TUSC3: variants seen among roughly 807,000 people sequenced by gnomAD.
TUSC3 encodes the protein tumor suppressor candidate 3, also known as dolichyl-diphosphooligosaccharide--protein glycosyltransferase subunit TUSC3.
A neutral mutation model predicts 44.8 loss-of-function variants in TUSC3; 45 were observed. That is an observed-to-expected ratio of 1.00 (90% CI 0.79 to 1.29). The LOEUF is 1.29. Among genes scored for constraint, TUSC3 ranks in the 50% most tolerant of loss-of-function variants. The pLI, the probability that TUSC3 is intolerant of heterozygous loss-of-function variation, is 0.00. For synonymous variants in TUSC3, 212 were observed against 152.9 expected (o/e 1.39, Z -2.85); for missense variants, 519 against 437.9 (o/e 1.19, Z -1.65).
intron 1 of TUSC3, among the ~76,000 whole-genome samples, chr8:15,481,456 G>C (rs186828610): frequency 3.3e-4 from 50 of 152,074 alleles, no homozygotes; most frequent in African/African-American, 1.2e-3. Context: ...GTCACAAGAA[G>C]GCCCTCACCA....
chr8:15,827,759 T>C, the TUSC3 span, among the ~76,000 whole-genome samples: 1 of 152,156 alleles, frequency 6.6e-6, no homozygotes, highest in African/African-American at 2.4e-5. Flanking sequence ...TGAGTCTCAC[T>C]GATAACTGAT....
chr8:15,840,645 C>G, the TUSC3 span, among the ~76,000 whole-genome samples: 1 of 152,022 alleles, frequency 6.6e-6, no homozygotes, highest in Non-Finnish European at 1.5e-5. Flanking sequence ...GTTTTATAAT[C>G]TGGTATGAAA....
intron 6 of TUSC3, among the ~76,000 whole-genome samples, chr8:15,722,171 A>G (rs552923932): frequency 2.0e-5 from 3 of 151,504 alleles, no homozygotes; most frequent in Middle Eastern, 3.5e-3. Context: ...CTGACTTTCT[A>G]CGGAGGGGCA....
intron 1 of TUSC3, among the ~76,000 whole-genome samples, chr8:15,453,430 C>G (rs1013037799): frequency 2.0e-5 from 3 of 152,168 alleles, no homozygotes; most frequent in African/African-American, 7.2e-5. Flanking sequence ...AGCCCCTTTT[C>G]TTGTCAGCAT....
intron 2 of TUSC3, among the ~76,000 whole-genome samples, chr8:15,516,788 TCAAA>T (rs1801221500): frequency 6.6e-6 from 1 of 152,138 alleles, no homozygotes; most frequent in Non-Finnish European, 1.5e-5. Flanking sequence ...TAATAGATAT[TCAAA>T]CAAAATATAA....
intron 1 of TUSC3, among the ~76,000 whole-genome samples, chr8:15,608,571 T>C (rs1385742276): frequency 6.6e-6 from 1 of 152,162 alleles, no homozygotes; most frequent in East Asian, 1.9e-4. Flanking sequence ...GTAATTCCCA[T>C]GTGTCACGGG....
chr8:15,657,668 C>CT (rs1807233462), intron 3 of TUSC3, among the ~76,000 whole-genome samples: 1 of 152,150 alleles, frequency 6.6e-6, no homozygotes, highest in Admixed American at 6.5e-5. Context: ...GCAATCTAGG[C>CT]TTTTTCTAGT....
At position 15,673,120 on chromosome 8, in the gene TUSC3, A is replaced by G. The variant is rs1036447666; in HGVS notation, c.709-627A>G. 7.9e-5 allele frequency among the ~76,000 whole-genome samples: 12 copies of G among 152,218 alleles called. No homozygotes were observed. The East Asian group carries it at 2.3e-3, about 29-fold the overall frequency. On this transcript the variant is annotated intron_variant, in intron 5 of 10. Coordinates refer to ENST00000503731, the MANE Select transcript of TUSC3 (RefSeq NM_006765.4). The stretch of plus-strand genomic sequence containing the variant: ...ATTCTCTCCCCACCCTCTCTGCAAT[A>G]CCTTGGATCTTCAATATTAGTTTTC...
intron 1 of TUSC3, among the ~76,000 whole-genome samples, chr8:15,542,769 T>C (rs1016395683): frequency 3.3e-5 from 5 of 152,224 alleles, no homozygotes; most frequent in African/African-American, 2.4e-5. Flanking sequence ...ATTAAAAAAG[T>C]TTTTCTTGCA....
intron 6 of TUSC3, among the ~76,000 whole-genome samples, chr8:15,701,908 T>C (rs1809423385): frequency 6.6e-6 from 1 of 152,194 alleles, no homozygotes; most frequent in Admixed American, 6.5e-5. Context: ...GGTTATTTTT[T>C]TGGTTTACAG....
chr8:15,623,312 G>T, intron 2 of TUSC3, 63 bp downstream of exon 2: 1 of 1,428,416 alleles, frequency 7.0e-7, no homozygotes. Context: ...ATATTTTTAT[G>T]TTCATTTTAA....
At chr8:15,678,290 G>T (rs1319002499) in intron 6 of TUSC3, among the ~76,000 whole-genome samples, 2 of 152,310 alleles carry the variant, frequency 1.3e-5, no homozygotes, top group South Asian at 2.1e-4. Context: ...AAATGCAGGT[G>T]CTGGTGGTGG....
chr8:15,460,996 G>A lies in TUSC3; in HGVS notation n.92-22390G>A, dbSNP rs534184614. ...AGATTTATTCTTTTTGCTTAGTTTT[G>A]CTTTGGCTGTGCAGGATCTTTTTAA... On this transcript the variant is annotated intron_variant and non_coding_transcript_variant, in intron 1 of 5. Coordinates refer to the TUSC3 transcript ENST00000503191. 1.1e-3 allele frequency among the ~76,000 whole-genome samples: 167 copies of A among 152,232 alleles called. 1 individual carries two copies. Among genetic ancestry groups the A allele is most frequent in the African/African-American group, 3.9e-3 (163 of 41,538 alleles).
At chr8:15,843,087 C>T in the TUSC3 span, among the ~76,000 whole-genome samples, 1 of 152,206 alleles carries the variant, frequency 6.6e-6, no homozygotes, top group East Asian at 1.9e-4. Context: ...GGAAATAACA[C>T]ATTCACTGCA....
chr8:15,682,811 C>CTTTTTTTTTTT (rs3988415), intron 6 of TUSC3, among the ~76,000 whole-genome samples: 1 of 129,784 alleles, frequency 7.7e-6, no homozygotes. Flanking sequence ...CTAGAACTTT[C>CTTTTTTTTTTT]TTTTTTTTTT....
rs73534209 is a variant in TUSC3 at position 15,437,202 on chromosome 8, G to A, written n.91+19897G>A. 6.7e-3 allele frequency among the ~76,000 whole-genome samples: 1,019 copies of A among 152,186 alleles called. 14 individuals are homozygous for A. The highest frequency in any genetic ancestry group is 0.023 in the African/African-American group (955 of 41,538). The stretch of plus-strand genomic sequence containing the variant: ...AGTAATTGTATTAATTGTATTACAT[G>A]AACAAAGAATAGGAGATAATTGCAA... On this transcript the variant is annotated intron_variant and non_coding_transcript_variant, in intron 1 of 5. Coordinates refer to the TUSC3 transcript ENST00000503191.
At chr8:15,561,943 A>C (rs1585103091) in intron 1 of TUSC3, among the ~76,000 whole-genome samples, 1 of 152,314 alleles carries the variant, frequency 6.6e-6, no homozygotes, top group South Asian at 2.1e-4. Context: ...CCTCAGATGG[A>C]AATGCAGAAA....
chr8:15,527,851 A>G (rs529371304), intron 2 of TUSC3, among the ~76,000 whole-genome samples: 1 of 152,350 alleles, frequency 6.6e-6, no homozygotes, highest in Middle Eastern at 3.4e-3. Flanking sequence ...CATTCCGTAT[A>G]CATTCTCCTC....
At chr8:15,613,828 A>T (rs1285289885) in intron 1 of TUSC3, among the ~76,000 whole-genome samples, 3 of 152,128 alleles carry the variant, frequency 2.0e-5, no homozygotes, top group Non-Finnish European at 4.4e-5. Flanking sequence ...CCCAACTTTC[A>T]TTCTTCACTG....
Sources: allele counts gnomAD v4.1 joint callset (sites outside exome capture counted in the v4.1 genomes callset), GRCh38; gene constraint gnomAD v4.1.1; transcripts MANE v1.5; gene names NCBI Gene and HGNC (gene_info 2026-07-23, HGNC 2026-07-21).